Variants in CPEB1 observed in about 807,000 individuals in gnomAD.
CPEB1 encodes cytoplasmic polyadenylation element binding protein 1, also known as cytoplasmic polyadenylation element-binding protein 1.
CPEB1 carries 7 observed loss-of-function variants against 65.8 expected under a neutral mutation model. The ratio of observed to expected loss-of-function variants is 0.11; its 90% confidence interval spans 0.06 to 0.20. The LOEUF is 0.20. CPEB1 is among the 10% of genes least tolerant of loss of function. The probability of loss-of-function intolerance (pLI) is 1.00; values close to 1 mark genes in which losing one functional copy is unlikely to be tolerated. For synonymous variants in CPEB1, 262 were observed against 260.0 expected (o/e 1.01, Z -0.08); for missense variants, 551 against 712.2 (o/e 0.77, Z 2.58).
chr15:82,587,725 T>C (rs2041913295), intron 3 of CPEB1, among the ~76,000 whole-genome samples: 1 of 152,222 alleles, frequency 6.6e-6, no homozygotes, highest in Admixed American at 6.5e-5. Flanking sequence ...ACAGAGAAAT[T>C]CACAATATAT....
intron 3 of CPEB1, among the ~76,000 whole-genome samples, chr15:82,605,157 G>A (rs1313493): frequency 0.71 from 107,188 of 152,024 alleles, 39,150 homozygotes; most frequent in African/African-American, 0.91. Context: ...GATCCTTCAA[G>A]AATGGAGAAA....
chr15:82,553,449 TA>T lies in CPEB1; in HGVS notation c.1144+17del. The T allele has an allele frequency of 6.2e-7, 1 of 1,601,810 alleles. No homozygotes were observed. Among genetic ancestry groups the T allele is most frequent in the Non-Finnish European group, 8.6e-7 (1 of 1,169,216 alleles). On this transcript the variant is annotated intron_variant, in intron 8 of 12. Transcript: ENST00000684509. ...AAAAAAGCTCCTACCATGTCTTTAT[TA>T]CCTTTAGGCATATTACCTTTGGGAG...
At chr15:82,565,223 A>G (rs2038926923) in intron 4 of CPEB1, among the ~76,000 whole-genome samples, 1 of 152,172 alleles carries the variant, frequency 6.6e-6, no homozygotes, top group African/African-American at 2.4e-5. Context: ...TTGTACCTCT[A>G]TAGGGTCTGG....
At chr15:82,603,310 C>T (rs894742648) in intron 3 of CPEB1, among the ~76,000 whole-genome samples, 5 of 151,814 alleles carry the variant, frequency 3.3e-5, no homozygotes, top group Admixed American at 6.6e-5. Context: ...GACCTACCTC[C>T]GAGCTCACCA....
chr15:82,601,731 C>G (rs1314220948), intron 3 of CPEB1, among the ~76,000 whole-genome samples: 1 of 151,964 alleles, frequency 6.6e-6, no homozygotes, highest in African/African-American at 2.4e-5. Context: ...GCTGTTGTAA[C>G]CAAATAGGTA....
intron 3 of CPEB1, among the ~76,000 whole-genome samples, chr15:82,596,983 C>A (rs1217841770): frequency 2.6e-5 from 4 of 151,942 alleles, no homozygotes; most frequent in Non-Finnish European, 5.9e-5. Flanking sequence ...TATTAGAAAA[C>A]AAAAAAGGAT....
intron 3 of CPEB1, among the ~76,000 whole-genome samples, chr15:82,622,683 C>G (rs1317962449): frequency 6.6e-6 from 1 of 152,218 alleles, no homozygotes; most frequent in Non-Finnish European, 1.5e-5. Context: ...GCATGAGTCA[C>G]TGCACCCAGC....
chr15:82,554,148 T>C (rs1412988411), intron 6 of CPEB1, among the ~76,000 whole-genome samples, 157 bp from the exon 7 acceptor site: 1 of 152,138 alleles, frequency 6.6e-6, no homozygotes, highest in East Asian at 1.9e-4. Flanking sequence ...AAGCAAGAAA[T>C]CTATGTCTCA....
intron 4 of CPEB1, among the ~76,000 whole-genome samples, chr15:82,568,496 C>T (rs1224396609): frequency 6.6e-6 from 1 of 152,162 alleles, no homozygotes; most frequent in Non-Finnish European, 1.5e-5. Flanking sequence ...AGAGAAGGAC[C>T]CCACAAAGTG....
intron 3 of CPEB1, among the ~76,000 whole-genome samples, chr15:82,610,679 C>T (rs969699176): frequency 1.3e-5 from 2 of 151,784 alleles, no homozygotes; most frequent in East Asian, 1.9e-4. Flanking sequence ...ATCCTCAGGC[C>T]GGGCCCGGTC....
intron 1 of CPEB1, chr15:82,628,831 TATG>T (rs915768383): frequency 5.7e-6 from 1 of 175,980 alleles, no homozygotes; most frequent in African/African-American, 2.4e-5. Flanking sequence ...TATTTTCTCT[TATG>T]ATTTTCTAGT....
intron 9 of CPEB1, 67 bp downstream of exon 9, chr15:82,552,410 TACC>T: frequency 6.8e-7 from 1 of 1,460,186 alleles, no homozygotes. Flanking sequence ...CCTATCCACC[TACC>T]ACAAGAAAAT....
At chr15:82,611,290 C>G (rs1278276977) in intron 3 of CPEB1, among the ~76,000 whole-genome samples, 3 of 152,028 alleles carry the variant, frequency 2.0e-5, no homozygotes, top group African/African-American at 4.8e-5. Flanking sequence ...TATACACTAG[C>G]AATGAACAAT....
In CPEB1 at chr15:82,584,903, C is replaced by CTTTTTTTTTTTTTTTTTTTTTTT. The variant is rs3080692; in HGVS notation, c.272-13372_272-13371insAAAAAAAAAAAAAAAAAAAAAAA. Among the ~76,000 whole-genome samples the CTTTTTTTTTTTTTTTTTTTTTTT allele has an allele frequency of 1.6e-4, 13 of 81,736 alleles. 4 individuals are homozygous for CTTTTTTTTTTTTTTTTTTTTTTT. Among genetic ancestry groups the CTTTTTTTTTTTTTTTTTTTTTTT allele is most frequent in the African/African-American group, 4.7e-4 (8 of 16,870 alleles). 53.6% of individuals were successfully genotyped at this position (81,736 alleles called of 152,430 possible). ...GACATAATTTTTTTTTCCTAATTTG[C>CTTTTTTTTTTTTTTTTTTTTTTT]TTTTTTTTTTTTTTTTTTTACAGTG... is the stretch of plus-strand genomic sequence containing the variant. On this transcript the variant is annotated intron_variant, in intron 3 of 12. Coordinates refer to ENST00000684509, the MANE Select transcript of CPEB1 (RefSeq NM_001365242.1).
upstream of CPEB1, chr15:82,648,523 T>C (rs1208519763): frequency 6.6e-6 from 1 of 152,368 alleles, no homozygotes; most frequent in Admixed American, 6.5e-5. Context: ...ACTGGTCCTC[T>C]TTGGACCGGA....
chr15:82,562,591 G>A (rs900867068), intron 4 of CPEB1, among the ~76,000 whole-genome samples: 3 of 152,104 alleles, frequency 2.0e-5, no homozygotes, highest in Admixed American at 2.0e-4. Context: ...TGTAATACCA[G>A]TACCTTGGGG....
chr15:82,583,201 C>G (rs990995408), intron 3 of CPEB1, among the ~76,000 whole-genome samples: 2 of 152,146 alleles, frequency 1.3e-5, no homozygotes, highest in Non-Finnish European at 1.5e-5. Flanking sequence ...ACTGCTGATT[C>G]AAGGCTAGCA....
chr15:82,611,042 C>G (rs1043244080), intron 3 of CPEB1, among the ~76,000 whole-genome samples: 3 of 146,644 alleles, frequency 2.0e-5, no homozygotes, highest in Non-Finnish European at 3.0e-5. Flanking sequence ...CAAAAACACC[C>G]ACATCTAACA....
intron 3 of CPEB1, among the ~76,000 whole-genome samples, chr15:82,595,063 C>A (rs1011289161): frequency 6.6e-6 from 1 of 152,168 alleles, no homozygotes; most frequent in African/African-American, 2.4e-5. Context: ...GAAGTAAGCA[C>A]ATACTTTTTG....
Sources: allele counts gnomAD v4.1 joint callset (sites outside exome capture counted in the v4.1 genomes callset), GRCh38; gene constraint gnomAD v4.1.1; transcripts MANE v1.5; gene names NCBI Gene and HGNC (gene_info 2026-07-23, HGNC 2026-07-21).